The following MLKL variants were observed in gnomAD, a reference collection of about 807,000 sequenced individuals.
MLKL encodes mixed lineage kinase domain-like protein.
In MLKL, 55 loss-of-function variants were observed where a neutral mutation model predicts 56.5. That is an observed-to-expected ratio of 0.97 (90% CI 0.78 to 1.22). The LOEUF is 1.22. Among genes scored for constraint, MLKL ranks in the 50% most tolerant of loss-of-function variants. The pLI is 0.00. For missense variants in MLKL, 694 were observed against 573.9 expected (o/e 1.21, Z -2.14); for synonymous variants, 251 against 208.3 (o/e 1.20, Z -1.76).
At position 74,674,639 on chromosome 16, in the gene MLKL, C is replaced by T. The variant is rs1019292960; in HGVS notation, c.1381+321G>A. ...GCTAATTTTAGTAGAGATGAGGTTTCACCATGTTGGCCAGGCTGGTCTCAA... is the reference window on the plus strand; with the variant it reads ...GCTAATTTTAGTAGAGATGAGGTTTTACCATGTTGGCCAGGCTGGTCTCAA... On this transcript the variant is annotated intron_variant, in intron 10 of 10. Transcript: ENST00000308807. 3.3e-5 allele frequency among the ~76,000 whole-genome samples: 5 copies of T among 152,046 alleles called. No homozygotes were observed. The East Asian group carries it at 7.7e-4, about 23-fold the overall frequency.
At chr16:74,673,542 G>A (rs1444494457) in intron 10 of MLKL, among the ~76,000 whole-genome samples, 1 of 152,038 alleles carries the variant, frequency 6.6e-6, no homozygotes, top group Non-Finnish European at 1.5e-5. Flanking sequence ...TCTGGGCTTT[G>A]TGGAAAGTCT....
chr16:74,692,800 C>A (rs1318552985), intron 2 of MLKL, among the ~76,000 whole-genome samples: 5 of 152,226 alleles, frequency 3.3e-5, no homozygotes, highest in Non-Finnish European at 1.5e-5. Flanking sequence ...GTCCCCTGGA[C>A]TTTGCCTGAA....
intron 6 of MLKL, among the ~76,000 whole-genome samples, chr16:74,679,735 C>T (rs1311820270): frequency 6.6e-6 from 1 of 152,024 alleles, no homozygotes; most frequent in Non-Finnish European, 1.5e-5. Context: ...GAATCACTTG[C>T]ACCCAGGAGG....
chr16:74,698,064 A>G (rs1428088399), intron 1 of MLKL, among the ~76,000 whole-genome samples: 2 of 151,798 alleles, frequency 1.3e-5, no homozygotes, highest in African/African-American at 4.8e-5. Context: ...AATTTGCTGG[A>G]TGTGGTGGTG....
Position 74,689,871 on chromosome 16 carries a change from C to A in MLKL, c.722+1406G>T, listed in dbSNP as rs539039464. On this transcript the variant is annotated intron_variant, in intron 4 of 10. Transcript: ENST00000308807. ...AATAAAAGTTGACCCTACATAACGT[C>A]ACATACAAAGGTGGATTCTAGTAGG... Among the ~76,000 whole-genome samples, 4 of 152,260 alleles carry A rather than the reference C, an allele frequency of 2.6e-5. No individual in the cohort carries two copies. The East Asian group carries it at 5.8e-4, about 22-fold the overall frequency.
rs1960997155 is a variant in MLKL, at chr16:74,695,704, A to G, written c.54T>C (p.Cys18=). The change falls in exon 2 of 11, where the codon TGT becomes TGC. Residue 18 remains cysteine, a synonymous_variant. Coordinates refer to ENST00000308807, the MANE Select transcript of MLKL (RefSeq NM_152649.4). ...ITLGQVIHKR[C]EEMKYCKKQC... ...GTTTCTTGCAGTATTTCATCTCTTC[A>G]CACCGTTTGTGGATGACCTGGCCAA... 1 of 1,613,648 alleles carries G rather than the reference A, an allele frequency of 6.2e-7. No homozygotes were observed. The highest frequency in any genetic ancestry group is 8.5e-7 in the Non-Finnish European group (1 of 1,179,964).
chr16:74,678,899 C>T lies in MLKL; in HGVS notation c.1038G>A (p.Lys346=). Residue 346 remains lysine, a splice_region_variant and synonymous_variant, in exon 7 of 11, where the codon AAG becomes AAA. Coordinates refer to ENST00000308807, the MANE Select transcript of MLKL (RefSeq NM_152649.4). ...NFLVTQGYQV[K]LAGFELRKTQ... ...AAGCGCCCCCGCAAGGCACACTCAC[C>T]TTCACTTGGTAGCCTTGAGTTACCA... is the stretch of plus-strand genomic sequence containing the variant. 1 of 1,614,010 alleles carries T rather than the reference C, an allele frequency of 6.2e-7. No homozygotes were observed. Among genetic ancestry groups the T allele is most frequent in the Non-Finnish European group, 8.5e-7 (1 of 1,179,898 alleles).
At chr16:74,672,997 G>A (rs566626489) in intron 10 of MLKL, among the ~76,000 whole-genome samples, 7 of 152,308 alleles carry the variant, frequency 4.6e-5, no homozygotes, top group South Asian at 4.2e-4. Flanking sequence ...AAACTATGCC[G>A]TGACTTTGAT....
intron 7 of MLKL, chr16:74,676,410 A>G: frequency 1.0e-6 from 1 of 985,486 alleles, no homozygotes; most frequent in African/African-American, 1.7e-5. Flanking sequence ...CCCCAAACTC[A>G]GCCAGGTACC....
rs749401798 is a variant in MLKL at position 74,691,432 on chromosome 16, C to T, written c.567G>A (p.Pro189=). 31 of 1,613,584 alleles carry T rather than the reference C, an allele frequency of 1.9e-5. 1 individual carries two copies. The Middle Eastern group carries it at 4.9e-4, about 26-fold the overall frequency. The change falls in exon 4 of 11, where the codon CCG becomes CCA. Residue 189 remains proline (P), a synonymous_variant. Coordinates refer to ENST00000308807, the MANE Select transcript of MLKL (RefSeq NM_152649.4). Reference sequence around the variant, plus strand: ...TCTTGATCTCCTTGATTTGCTCTTGCGGGATCTCCTGCATGCATTTTGGTG... The same window carrying T: ...TCTTGATCTCCTTGATTTGCTCTTGTGGGATCTCCTGCATGCATTTTGGTG... ...YLPPKCMQEI[P]QEQIKEIKKE...
chr16:74,678,075 T>G (rs1369674772), intron 7 of MLKL: 2 of 152,218 alleles, frequency 1.3e-5, no homozygotes, highest in East Asian at 1.9e-4. Context: ...CTCCTGCAGG[T>G]CATGGGCTTC....
chr16:74,691,611 A>G (rs1037799082), intron 3 of MLKL, 148 bp from the exon 4 acceptor site: 6 of 813,758 alleles, frequency 7.4e-6, no homozygotes, highest in Non-Finnish European at 9.6e-6. Context: ...TGATGGACTC[A>G]GCCCAAGGGA....
chr16:74,689,621 CA>C (rs1444940246), intron 4 of MLKL, among the ~76,000 whole-genome samples: 2 of 151,864 alleles, frequency 1.3e-5, no homozygotes, highest in Admixed American at 6.6e-5. Context: ...AGTTCTTTAC[CA>C]GATATCGAAA....
At chr16:74,684,411 C>A (rs1163719588) in intron 5 of MLKL, among the ~76,000 whole-genome samples, 1 of 112,560 alleles carries the variant, frequency 8.9e-6, no homozygotes, top group African/African-American at 3.5e-5. Context: ...AGAGAAAATG[C>A]AGTCACATTG....
At chr16:74,685,677 G>A in intron 4 of MLKL, 94 bp from the exon 5 acceptor site, 2 of 934,220 alleles carry the variant, frequency 2.1e-6, no homozygotes, top group Non-Finnish European at 3.4e-6. Context: ...GTGGGGGCGG[G>A]GGTATCAGCA....
chr16:74,692,624 G>C (rs886557767), intron 2 of MLKL, among the ~76,000 whole-genome samples: 4 of 152,202 alleles, frequency 2.6e-5, no homozygotes, highest in African/African-American at 9.6e-5. Context: ...ACTTGCTTTG[G>C]CTAAGAAATG....
At chr16:74,677,545 G>C (rs559346424) in intron 7 of MLKL, 1 of 152,300 alleles carries the variant, frequency 6.6e-6, no homozygotes, top group East Asian at 1.9e-4. Flanking sequence ...TGAAGAGGGG[G>C]AGGTCTCACT....
At chr16:74,674,149 T>C (rs75981157) in intron 10 of MLKL, among the ~76,000 whole-genome samples, 3 of 142,938 alleles carry the variant, frequency 2.1e-5, no homozygotes, top group East Asian at 4.3e-4. Flanking sequence ...GGATGTTGAA[T>C]AGCATTCTTT....
At chr16:74,698,918 G>T (rs1961214603) in intron 1 of MLKL, among the ~76,000 whole-genome samples, 1 of 152,012 alleles carries the variant, frequency 6.6e-6, no homozygotes, top group Non-Finnish European at 1.5e-5. Flanking sequence ...GTTTGAGATC[G>T]CCCGGCCAAC....
Sources: gnomAD v4.1 joint callset for allele counts (sites outside exome capture counted in the v4.1 genomes callset) on GRCh38, gnomAD v4.1.1 for gene constraint, MANE v1.5 for transcripts, NCBI Gene and HGNC (gene_info 2026-07-23, HGNC 2026-07-21) for gene names.